The following ZNF618 variants were observed in gnomAD, a reference collection of about 807,000 sequenced individuals.
ZNF618 encodes neural precursor cell expressed, developmentally down-regulated 10.
ZNF618 carries 34 observed loss-of-function variants against 103.0 expected under a neutral mutation model. The ratio of observed to expected loss-of-function variants is 0.33; its 90% CI spans 0.25 to 0.44. The LOEUF is 0.44. Among genes scored for constraint, ZNF618 ranks in the 20% least tolerant of loss-of-function variants. ZNF618 has a pLI of 1.00. For missense variants in ZNF618, 1,059 were observed against 1,295.4 expected, an observed-to-expected ratio of 0.82 and a Z score of 2.80; for synonymous variants, 551 against 542.2, an observed-to-expected ratio of 1.02 and a Z score of -0.23.
At chr9:114,026,947 G>C (rs1218774499) in intron 10 of ZNF618, among the ~76,000 whole-genome samples, 2 of 152,116 alleles carry the variant, frequency 1.3e-5, no homozygotes, top group African/African-American at 4.8e-5. Context: ...CTGGGCTTCA[G>C]AGGTGGATTT....
At position 114,022,601 on chromosome 9, in the gene ZNF618, CA is replaced by C. The variant is rs56235947; in HGVS notation, c.844+5837del. The stretch of plus-strand genomic sequence containing the variant: ...TGCTGCGGTTTCATGTCCACTTGAC[CA>C]AAAAAAAAAAAAAAAAAAAGGCATC... On this transcript the variant is annotated intron_variant, in intron 10 of 14. Coordinates refer to ENST00000374126, the MANE Select transcript of ZNF618 (RefSeq NM_001318042.2). Among the ~76,000 whole-genome samples the C allele has an allele frequency of 8.6e-3, 785 of 90,758 alleles. 14 individuals carry two copies. Among genetic ancestry groups the C allele is most frequent in the African/African-American group, 0.028 (688 of 24,146 alleles). The allele number at this position is 90,758 out of a possible 152,430, so 59.5% of individuals were successfully genotyped here.
chr9:113,927,670 C>T (rs1329488488), intron 1 of ZNF618, among the ~76,000 whole-genome samples: 2 of 152,186 alleles, frequency 1.3e-5, no homozygotes, highest in African/African-American at 4.8e-5. Context: ...TGGAGAAGGA[C>T]ATTTCCCTTC....
chr9:113,985,848 T>G (rs1483234276), intron 2 of ZNF618, among the ~76,000 whole-genome samples: 1 of 152,252 alleles, frequency 6.6e-6, no homozygotes, highest in East Asian at 1.9e-4. Context: ...TACCAAGATT[T>G]CGTTCCTAGA....
chr9:114,029,059 C>A, intron 11 of ZNF618, 87 bp downstream of exon 11: 1 of 1,480,062 alleles, frequency 6.8e-7, no homozygotes, highest in Non-Finnish European at 9.0e-7. Flanking sequence ...TTGTTGTTGC[C>A]TTGCAAGAGC....
chr9:113,966,564 G>A (rs144088964), intron 1 of ZNF618, among the ~76,000 whole-genome samples: 67 of 152,308 alleles, frequency 4.4e-4, no homozygotes, highest in African/African-American at 1.5e-3. Context: ...CCGGCCTGGC[G>A]TGTATGGAAC....
In ZNF618 at chr9:114,036,352, G is replaced by A; in HGVS notation, c.1221G>A (p.Leu407=). 1 of 1,583,510 alleles carries A rather than the reference G, an allele frequency of 6.3e-7. No individual in the cohort carries two copies. The highest frequency in any genetic ancestry group is 8.6e-7 in the Non-Finnish European group (1 of 1,164,220). ...TCCAGTTCCAGTTCTACAACAACCT[G>A]TTGGAGCACATGCAGTCCCATGCAG... is the stretch of plus-strand genomic sequence containing the variant. ...CGIQFQFYNN[L]LEHMQSHAAD... The change falls in exon 13 of 15, where the codon CTG becomes CTA. Residue 407 remains leucine, a synonymous_variant. Coordinates refer to ENST00000374126, the MANE Select transcript of ZNF618 (RefSeq NM_001318042.2).
Position 113,972,270 on chromosome 9 carries a change from A to G in ZNF618, c.77+3110A>G, listed in dbSNP as rs1430368137. 5.2e-3 allele frequency among the ~76,000 whole-genome samples: 786 copies of G among 152,244 alleles called. 5 individuals are homozygous for G. The highest frequency in any genetic ancestry group is 0.018 in the African/African-American group (765 of 41,538). On this transcript the variant is annotated intron_variant, in intron 2 of 14. Coordinates refer to ENST00000374126, the MANE Select transcript of ZNF618 (RefSeq NM_001318042.2). ...CACTGTGTTGCCCAGGCTGGTCTCAAACTCCTGAGTTCTAGTGATGCACCC... is the reference window on the plus strand; with the variant it reads ...CACTGTGTTGCCCAGGCTGGTCTCAGACTCCTGAGTTCTAGTGATGCACCC...
intron 2 of ZNF618, among the ~76,000 whole-genome samples, chr9:113,976,513 C>T (rs1204636424): frequency 6.6e-6 from 1 of 152,154 alleles, no homozygotes; most frequent in African/African-American, 2.4e-5. Flanking sequence ...ACATGCTCAC[C>T]CTTGGCTGGA....
At chr9:113,878,233 A>C (rs1370993141) in intron 1 of ZNF618, among the ~76,000 whole-genome samples, 1 of 152,194 alleles carries the variant, frequency 6.6e-6, no homozygotes, top group Non-Finnish European at 1.5e-5. Flanking sequence ...GAAAAAGATA[A>C]AAGAGGGATG....
intron 13 of ZNF618, among the ~76,000 whole-genome samples, chr9:114,042,036 G>A (rs1845235814): frequency 6.6e-6 from 1 of 152,096 alleles, no homozygotes; most frequent in African/African-American, 2.4e-5. Flanking sequence ...CCTTGAAGAG[G>A]TCCTTCACAT....
intron 6 of ZNF618, among the ~76,000 whole-genome samples, 152 bp downstream of exon 6, chr9:114,002,814 C>G (rs531709362): frequency 6.6e-6 from 1 of 152,242 alleles, no homozygotes; most frequent in Non-Finnish European, 1.5e-5. Flanking sequence ...ACCATCCTTA[C>G]AAAACCGCAA....
intron 2 of ZNF618, among the ~76,000 whole-genome samples, chr9:113,977,311 C>G (rs1838572105): frequency 6.6e-6 from 1 of 152,088 alleles, no homozygotes; most frequent in Non-Finnish European, 1.5e-5. Flanking sequence ...GAGAAGATGG[C>G]CAGAGGAGTT....
In ZNF618 at chr9:114,023,679, T is replaced by C. The variant is rs145491717; in HGVS notation, c.845-5054T>C. Reference sequence around the variant, plus strand: ...TCTATTGGTGAAAGATTCTCTAAGCTGAAGATGTTTTTATTTCACATATTT... The same window carrying C: ...TCTATTGGTGAAAGATTCTCTAAGCCGAAGATGTTTTTATTTCACATATTT... On this transcript the variant is annotated intron_variant, in intron 10 of 14. Transcript: ENST00000374126. Among the ~76,000 whole-genome samples the C allele has an allele frequency of 1.7e-3, 252 of 152,286 alleles. 2 individuals are homozygous for C. Among genetic ancestry groups the C allele is most frequent in the African/African-American group, 5.9e-3 (244 of 41,590 alleles).
At chr9:113,905,362 A>G (rs977197581) in intron 1 of ZNF618, among the ~76,000 whole-genome samples, 1 of 152,208 alleles carries the variant, frequency 6.6e-6, no homozygotes, top group African/African-American at 2.4e-5. Context: ...GTTCAGCAAG[A>G]CCAGAGCAAC....
intron 2 of ZNF618, 46 bp downstream of exon 2, chr9:113,969,206 G>T: frequency 6.2e-7 from 1 of 1,612,100 alleles, no homozygotes; most frequent in Non-Finnish European, 8.5e-7. Context: ...ATCGACTCAG[G>T]TCTTCATGAC....
chr9:113,916,000 C>A (rs1424614632), intron 1 of ZNF618, among the ~76,000 whole-genome samples: 2 of 151,978 alleles, frequency 1.3e-5, no homozygotes, highest in East Asian at 1.9e-4. Context: ...TTTATGGCAG[C>A]AGCTATATAA....
In ZNF618 at chr9:114,011,586, C is replaced by T. The variant is rs180871930; in HGVS notation, c.754+3032C>T. 2.5e-3 allele frequency among the ~76,000 whole-genome samples: 377 copies of T among 152,276 alleles called. 4 individuals carry two copies. Among genetic ancestry groups the T allele is most frequent in the African/African-American group, 7.8e-3 (324 of 41,544 alleles). ...AACGTTGCTTCTTCGGCTCCTGCTA[C>T]GTATAAGCAGGCCAATGCCACAGAA... On this transcript the variant is annotated intron_variant, in intron 9 of 14. Transcript: ENST00000374126.
intron 3 of ZNF618, 148 bp downstream of exon 3, chr9:113,988,728 G>A (rs1206488632): frequency 8.1e-7 from 1 of 1,234,266 alleles, no homozygotes; most frequent in Non-Finnish European, 1.1e-6. Context: ...AGAGATCTCA[G>A]CTTCTTAGAC....
intron 1 of ZNF618, 71 bp from the exon 2 acceptor site, chr9:113,969,046 A>G: frequency 6.4e-7 from 1 of 1,562,822 alleles, no homozygotes; most frequent in Admixed American, 1.7e-5. Flanking sequence ...TGGGAGCTTG[A>G]TGGGGTGGCA....
Sources: gnomAD v4.1 joint callset for allele counts (sites outside exome capture counted in the v4.1 genomes callset) on GRCh38, gnomAD v4.1.1 for gene constraint, MANE v1.5 for transcripts, NCBI Gene and HGNC (gene_info 2026-07-23, HGNC 2026-07-21) for gene names.